Variants in LDLRAD4 observed in about 807,000 individuals in gnomAD.
LDLRAD4 encodes low density lipoprotein receptor class A domain containing 4.
LDLRAD4 carries 5 observed loss-of-function variants against 17.0 expected under a neutral mutation model. That is an observed-to-expected ratio of 0.29 (90% CI 0.15 to 0.62). LDLRAD4 has a LOEUF of 0.62. Among genes scored for constraint, LDLRAD4 ranks in the 20% least tolerant of loss-of-function variants. The pLI, the probability that LDLRAD4 is intolerant of heterozygous loss-of-function variation, is 0.84. For missense variants in LDLRAD4, 340 were observed against 424.7 expected (o/e 0.80, Z 1.75); for synonymous variants, 168 against 171.8 (o/e 0.98, Z 0.17).
chr18:13,492,801 C>A (rs2093385657), intron 3 of LDLRAD4, among the ~76,000 whole-genome samples: 1 of 152,230 alleles, frequency 6.6e-6, no homozygotes, highest in Non-Finnish European at 1.5e-5. Flanking sequence ...CAGCTCCACT[C>A]TTCCTGCCTT....
At chr18:13,261,708 T>G (rs917658023) in intron 1 of LDLRAD4, among the ~76,000 whole-genome samples, 6 of 152,198 alleles carry the variant, frequency 3.9e-5, no homozygotes, top group Non-Finnish European at 5.9e-5. Context: ...AGGGAGGAGC[T>G]TCAGGATTTG....
chr18:13,531,290 A>C (rs2094122575), intron 3 of LDLRAD4, among the ~76,000 whole-genome samples: 1 of 152,316 alleles, frequency 6.6e-6, no homozygotes, highest in East Asian at 1.9e-4. Context: ...TTGTGGAATC[A>C]GTCTTACGGC....
intron 3 of LDLRAD4, among the ~76,000 whole-genome samples, chr18:13,568,145 T>G (rs776986870): frequency 1.3e-5 from 2 of 151,890 alleles, no homozygotes; most frequent in Non-Finnish European, 2.9e-5. Flanking sequence ...AACACAAATA[T>G]TAGACAGGTG....
chr18:13,361,131 C>T (rs17681406), intron 1 of LDLRAD4, among the ~76,000 whole-genome samples: 50,276 of 152,022 alleles, frequency 0.33, 8,336 homozygotes, highest in South Asian at 0.39. Flanking sequence ...GGTCCCCTCC[C>T]GTTTTGACTC....
intron 3 of LDLRAD4, among the ~76,000 whole-genome samples, chr18:13,550,999 C>T (rs1398735474): frequency 1.3e-5 from 2 of 152,186 alleles, no homozygotes; most frequent in Non-Finnish European, 2.9e-5. Flanking sequence ...AGCCCAGGGG[C>T]TTGACCTCTG....
At chr18:13,556,902 G>T (rs2094489782) in intron 3 of LDLRAD4, among the ~76,000 whole-genome samples, 1 of 152,096 alleles carries the variant, frequency 6.6e-6, no homozygotes, top group Admixed American at 6.5e-5. Context: ...CCCTTTAAAG[G>T]GTGATTAATG....
intron 3 of LDLRAD4, among the ~76,000 whole-genome samples, chr18:13,455,393 G>A (rs1434929598): frequency 2.6e-5 from 4 of 152,210 alleles, no homozygotes; most frequent in Non-Finnish European, 5.9e-5. Flanking sequence ...TCTCAAGTGG[G>A]ATGTGGTGCT....
chr18:13,467,484 A>G (rs551748895), intron 3 of LDLRAD4, among the ~76,000 whole-genome samples: 1 of 152,380 alleles, frequency 6.6e-6, no homozygotes, highest in Admixed American at 6.5e-5. Context: ...ATATTGCTGA[A>G]AGAAATTAAA....
intron 1 of LDLRAD4, among the ~76,000 whole-genome samples, chr18:13,285,666 CT>C (rs1463365568): frequency 3.9e-5 from 6 of 152,126 alleles, no homozygotes; most frequent in African/African-American, 1.4e-4. Context: ...CAGTTTCCCT[CT>C]TTTTGTCCTG....
chr18:13,493,694 G>A (rs764884190), intron 3 of LDLRAD4, among the ~76,000 whole-genome samples: 41 of 152,216 alleles, frequency 2.7e-4, no homozygotes, highest in Non-Finnish European at 5.0e-4. Flanking sequence ...GGAACCAAGA[G>A]GGGTGGAGAT....
At chr18:13,372,104 G>A (rs1480633496) in intron 1 of LDLRAD4, among the ~76,000 whole-genome samples, 4 of 152,206 alleles carry the variant, frequency 2.6e-5, no homozygotes, top group African/African-American at 9.7e-5. Context: ...TAAAAGGTTA[G>A]TTTACCATAT....
At chr18:13,427,995 T>C (rs372685726) in intron 2 of LDLRAD4, among the ~76,000 whole-genome samples, 20 of 152,190 alleles carry the variant, frequency 1.3e-4, no homozygotes, top group African/African-American at 4.8e-4. Flanking sequence ...TTTAATAATA[T>C]TGATTGATTG....
chr18:13,396,992 A>G (rs2086754660), intron 2 of LDLRAD4, among the ~76,000 whole-genome samples: 1 of 152,218 alleles, frequency 6.6e-6, no homozygotes, highest in South Asian at 2.1e-4. Flanking sequence ...CCAGTTGCCA[A>G]GTAGACAACA....
intron 4 of LDLRAD4, among the ~76,000 whole-genome samples, chr18:13,626,664 C>T (rs897002914): frequency 1.3e-5 from 2 of 152,258 alleles, no homozygotes; most frequent in Non-Finnish European, 2.9e-5. Flanking sequence ...GGGATTAAAT[C>T]GATTGTGAAA....
At chr18:13,574,538 C>A (rs979821007) in intron 3 of LDLRAD4, among the ~76,000 whole-genome samples, 2 of 152,192 alleles carry the variant, frequency 1.3e-5, no homozygotes, top group African/African-American at 4.8e-5. Context: ...CCTCGATGTG[C>A]GGCAGGACCA....
At chr18:13,540,363 T>A (rs1181651366) in intron 3 of LDLRAD4, among the ~76,000 whole-genome samples, 1 of 152,272 alleles carries the variant, frequency 6.6e-6, no homozygotes, top group Non-Finnish European at 1.5e-5. Context: ...TGTTTGCAGA[T>A]GTCTGCAGTT....
At chr18:13,421,529 C>G (rs1158703937) in intron 2 of LDLRAD4, among the ~76,000 whole-genome samples, 1 of 151,552 alleles carries the variant, frequency 6.6e-6, no homozygotes, top group African/African-American at 2.4e-5. Context: ...TGCATCCAGT[C>G]CCATCCCTGC....
chr18:13,252,473 G>A (rs978364987), intron 1 of LDLRAD4, among the ~76,000 whole-genome samples: 4 of 152,246 alleles, frequency 2.6e-5, no homozygotes, highest in African/African-American at 9.6e-5. Flanking sequence ...TGTACCGCTA[G>A]GTGCGGGGAC....
intron 4 of LDLRAD4, among the ~76,000 whole-genome samples, chr18:13,639,894 A>G (rs2042379977): frequency 6.6e-6 from 1 of 152,224 alleles, no homozygotes; most frequent in Non-Finnish European, 1.5e-5. Context: ...TGCTTATGTT[A>G]TACTCTGTGA....
Sources: gnomAD v4.1 joint callset for allele counts (sites outside exome capture counted in the v4.1 genomes callset) on GRCh38, gnomAD v4.1.1 for gene constraint, MANE v1.5 for transcripts, NCBI Gene and HGNC (gene_info 2026-07-23, HGNC 2026-07-21) for gene names.